Variants in SLC36A1 observed in about 807,000 individuals in gnomAD.
The protein encoded by SLC36A1 is solute carrier family 36 member 1, also known as proton-coupled amino acid transporter 1.
A neutral mutation model predicts 47.5 loss-of-function variants in SLC36A1; 30 were observed. That is an observed-to-expected ratio of 0.63 (90% CI 0.47 to 0.86). The LOEUF (loss-of-function observed/expected upper bound fraction) is 0.86, where lower values mean the gene tolerates loss of function less well. Among genes scored for constraint, SLC36A1 ranks in the 40% least tolerant of loss-of-function variants. The pLI is 0.00. For missense variants in SLC36A1, 517 were observed against 606.0 expected, an observed-to-expected ratio of 0.85 and a Z score of 1.54; for synonymous variants, 255 against 249.7, an observed-to-expected ratio of 1.02 and a Z score of -0.20.
chr5:151,532,886 G>C, the SLC36A1 span, among the ~76,000 whole-genome samples: 1 of 152,216 alleles, frequency 6.6e-6, no homozygotes. Context: ...GGTGACAGGA[G>C]TAGCCTCTGA....
At chr5:151,382,270 C>T in the SLC36A1 span, 1 of 1,303,256 alleles carries the variant, frequency 7.7e-7, no homozygotes, top group Non-Finnish European at 1.1e-6. Flanking sequence ...AGCTACATAG[C>T]ACACACAGGC....
the SLC36A1 span, among the ~76,000 whole-genome samples, chr5:151,350,320 G>A: frequency 6.6e-6 from 1 of 152,204 alleles, no homozygotes; most frequent in Non-Finnish European, 1.5e-5. Context: ...TACAGATGAG[G>A]AAACTGAGGC....
chr5:151,429,590 A>G, the SLC36A1 span, among the ~76,000 whole-genome samples: 2 of 151,844 alleles, frequency 1.3e-5, no homozygotes, highest in Admixed American at 1.3e-4. Flanking sequence ...TTCTTAATCC[A>G]GTCTATCATT....
chr5:151,542,838 G>A, the SLC36A1 span: 2 of 1,614,184 alleles, frequency 1.2e-6, no homozygotes, highest in African/African-American at 1.3e-5. Context: ...CATCAATCTG[G>A]TACAATTTGG....
At chr5:151,462,939 G>A (rs1003524395) in intron 2 of SLC36A1, among the ~76,000 whole-genome samples, 1 of 150,480 alleles carries the variant, frequency 6.6e-6, no homozygotes, top group African/African-American at 2.4e-5. Context: ...ACAGTGGCAC[G>A]ATCTTAACTC....
the SLC36A1 span, chr5:151,507,460 G>A: frequency 1.2e-5 from 20 of 1,614,016 alleles, no homozygotes; most frequent in Middle Eastern, 3.3e-4. Context: ...TTGCAACGGC[G>A]GCAGTAGAAG....
chr5:151,456,691 G>A (rs1269821099), intron 1 of SLC36A1, among the ~76,000 whole-genome samples: 7 of 152,156 alleles, frequency 4.6e-5, no homozygotes, highest in Non-Finnish European at 7.3e-5. Context: ...AGGCAGGATC[G>A]TCTCTGGGAT....
the SLC36A1 span, among the ~76,000 whole-genome samples, chr5:151,555,475 C>T: frequency 6.7e-6 from 1 of 149,116 alleles, no homozygotes; most frequent in Non-Finnish European, 1.5e-5. Flanking sequence ...GGTTCAAGTG[C>T]TTCTCCGCCT....
At chr5:151,552,144 G>A in the SLC36A1 span, among the ~76,000 whole-genome samples, 1 of 151,878 alleles carries the variant, frequency 6.6e-6, no homozygotes, top group Non-Finnish European at 1.5e-5. Flanking sequence ...CTTATTTATA[G>A]ACAGGCTCTC....
chr5:151,358,150 A>T, the SLC36A1 span, among the ~76,000 whole-genome samples: 2 of 152,222 alleles, frequency 1.3e-5, no homozygotes, highest in African/African-American at 4.8e-5. Flanking sequence ...TTGTTACAAA[A>T]AAGTATACCC....
the SLC36A1 span, among the ~76,000 whole-genome samples, chr5:151,526,782 C>G: frequency 6.6e-6 from 1 of 152,128 alleles, no homozygotes; most frequent in African/African-American, 2.4e-5. Context: ...CCTTTTTATT[C>G]ACTCCCTCAC....
chr5:151,517,835 C>A, the SLC36A1 span: 9 of 1,561,702 alleles, frequency 5.8e-6, no homozygotes, highest in Non-Finnish European at 7.9e-6. Context: ...CTGACTTTGT[C>A]TTATTTAATC....
At chr5:151,397,147 G>T in the SLC36A1 span, among the ~76,000 whole-genome samples, 1 of 151,996 alleles carries the variant, frequency 6.6e-6, no homozygotes, top group African/African-American at 2.4e-5. Context: ...TTTCATTCCC[G>T]ATACTGCACA....
chr5:151,420,512 G>A, the SLC36A1 span, among the ~76,000 whole-genome samples: 1 of 152,150 alleles, frequency 6.6e-6, no homozygotes, highest in Non-Finnish European at 1.5e-5. Flanking sequence ...GGGGATGATC[G>A]TGCATGCCGC....
the SLC36A1 span, among the ~76,000 whole-genome samples, chr5:151,385,712 A>C: frequency 1.3e-5 from 2 of 152,144 alleles, no homozygotes; most frequent in African/African-American, 2.4e-5. Flanking sequence ...AATAAAAAAA[A>C]CAATAAAACA....
chr5:151,421,560 C>CT, the SLC36A1 span, among the ~76,000 whole-genome samples: 7,206 of 145,386 alleles, frequency 0.05, 273 homozygotes, highest in Middle Eastern at 0.087. Context: ...AGAGTTTTTT[C>CT]TTTTTCTTTT....
chr5:151,509,358 G>A, the SLC36A1 span: 2 of 152,264 alleles, frequency 1.3e-5, no homozygotes, highest in Non-Finnish European at 2.9e-5. Flanking sequence ...TGTAATGCAG[G>A]TGGTTAGAGA....
At chr5:151,520,145 G>A in the SLC36A1 span, among the ~76,000 whole-genome samples, 1 of 152,250 alleles carries the variant, frequency 6.6e-6, no homozygotes, top group East Asian at 1.9e-4. Context: ...CAAATCTTCT[G>A]AGAAATGATA....
intron 2 of SLC36A1, among the ~76,000 whole-genome samples, chr5:151,461,154 ATT>A (rs3086279): frequency 0.38 from 47,173 of 125,206 alleles, 8,938 homozygotes; most frequent in East Asian, 0.62. Flanking sequence ...TACTTTTTGT[ATT>A]TTTTTTTTTT....
Sources: gnomAD v4.1 joint callset for allele counts (sites outside exome capture counted in the v4.1 genomes callset) on GRCh38, gnomAD v4.1.1 for gene constraint, MANE v1.5 for transcripts, NCBI Gene and HGNC (gene_info 2026-07-23, HGNC 2026-07-21) for gene names.